IPO11: variants seen among roughly 807,000 people sequenced by gnomAD.
IPO11 encodes importin-11.
In IPO11, 66 loss-of-function variants were observed where a neutral mutation model predicts 143.2. The ratio of observed to expected loss-of-function variants is 0.46; its 90% confidence interval spans 0.38 to 0.57. IPO11 has a LOEUF of 0.57. Ranked by LOEUF, IPO11 falls within the 20% of genes least tolerant of loss-of-function variation. The pLI is 0.00. For synonymous variants in IPO11, 385 were observed against 377.8 expected (o/e 1.02, Z -0.22); for missense variants, 1,026 against 1,141.0 (o/e 0.90, Z 1.45).
At chr5:62,435,863 T>C (rs977414747) in intron 1 of IPO11, among the ~76,000 whole-genome samples, 1 of 151,870 alleles carries the variant, frequency 6.6e-6, no homozygotes, top group Non-Finnish European at 1.5e-5. Flanking sequence ...ACCCCGTCTC[T>C]ACTAAAAATA....
At position 62,483,304 on chromosome 5, in the gene IPO11, T is replaced by G; in HGVS notation, c.1021+11T>G. The G allele has an allele frequency of 6.8e-7, 1 of 1,462,796 alleles. No individual in the cohort carries two copies. Among genetic ancestry groups the G allele is most frequent in the African/African-American group, 1.4e-5 (1 of 70,560 alleles). The allele number at this position is 1,462,796 out of a possible 1,614,324, so 90.6% of individuals were successfully genotyped here. A position where few individuals can be genotyped will look rare whatever the true frequency, so the allele number is the denominator to read the frequency against. On this transcript the variant is annotated intron_variant, in intron 10 of 29. Transcript: ENST00000325324. Reference sequence around the variant, plus strand: ...CCAAAAATTTTGAAGGTAATTCCTTTATTGGCAGTTTAAAAGAATTATTTT... The same window carrying G: ...CCAAAAATTTTGAAGGTAATTCCTTGATTGGCAGTTTAAAAGAATTATTTT...
chr5:62,464,322 G>T (rs529176569), intron 5 of IPO11, among the ~76,000 whole-genome samples: 2 of 151,252 alleles, frequency 1.3e-5, no homozygotes, highest in South Asian at 4.2e-4. Flanking sequence ...TGTGTTTTTA[G>T]TAGAGACAGT....
chr5:62,433,146 G>GT lies in IPO11; in HGVS notation c.-6-4122dup, dbSNP rs367585219. On this transcript the variant is annotated intron_variant, in intron 1 of 29. Coordinates refer to ENST00000325324, the MANE Select transcript of IPO11 (RefSeq NM_016338.5). Reference sequence around the variant, plus strand: ...TTTACTCTAATTTTGGCACCTTTTTGTTTTTTGTTTTTTTTTTAAAGTCAA... The same window carrying GT: ...TTTACTCTAATTTTGGCACCTTTTTGTTTTTTTGTTTTTTTTTTAAAGTCAA... 9.0e-3 allele frequency among the ~76,000 whole-genome samples: 1,215 copies of GT among 135,446 alleles called. 12 individuals carry two copies. Among genetic ancestry groups the GT allele is most frequent in the East Asian group, 0.052 (237 of 4,534 alleles). 88.9% of individuals were successfully genotyped at this position (135,446 alleles called of 152,430 possible). A position where few individuals can be genotyped will look rare whatever the true frequency, so the allele number is the denominator to read the frequency against.
At chr5:62,608,917 C>T (rs1745830654) in intron 29 of IPO11, among the ~76,000 whole-genome samples, 1 of 152,312 alleles carries the variant, frequency 6.6e-6, no homozygotes, top group South Asian at 2.1e-4. Flanking sequence ...GCCTAGTCAT[C>T]CCTCCCTCCC....
chr5:62,517,282 C>T lies in IPO11; in HGVS notation c.1896+1781C>T, dbSNP rs1036267800. Reference sequence around the variant, plus strand: ...ATGATTACCTTATAAAGATTATGTCCGTTTTATAGAAGAGGATAAAGACTA... The same window carrying T: ...ATGATTACCTTATAAAGATTATGTCTGTTTTATAGAAGAGGATAAAGACTA... On this transcript the variant is annotated intron_variant, in intron 20 of 29. Transcript: ENST00000325324. 7.9e-5 allele frequency among the ~76,000 whole-genome samples: 12 copies of T among 152,052 alleles called. 1 individual carries two copies. Among genetic ancestry groups the T allele is most frequent in the South Asian group, 6.2e-4 (3 of 4,820 alleles).
chr5:62,436,323 G>A (rs1330548384), intron 1 of IPO11, among the ~76,000 whole-genome samples: 1 of 152,094 alleles, frequency 6.6e-6, no homozygotes, highest in Non-Finnish European at 1.5e-5. Flanking sequence ...ATAACTTTCA[G>A]ACTTTTACTG....
chr5:62,560,304 T>C (rs187535050), intron 26 of IPO11, among the ~76,000 whole-genome samples: 176 of 152,286 alleles, frequency 1.2e-3, no homozygotes, highest in Middle Eastern at 3.4e-3. Flanking sequence ...TACATAATTT[T>C]CGGGGCTGGT....
intron 29 of IPO11, among the ~76,000 whole-genome samples, chr5:62,623,002 T>C (rs1746429150): frequency 6.6e-6 from 1 of 152,228 alleles, no homozygotes; most frequent in Admixed American, 6.5e-5. Context: ...GTTGATTAAG[T>C]GGGTTCTGAT....
intron 26 of IPO11, among the ~76,000 whole-genome samples, chr5:62,559,546 G>A (rs999286402): frequency 6.6e-6 from 1 of 152,006 alleles, no homozygotes; most frequent in African/African-American, 2.4e-5. Context: ...TCTTCACCAG[G>A]AATAGATTCC....
At chr5:62,483,476 G>A (rs1407548296) in intron 10 of IPO11, 183 bp downstream of exon 10, 1 of 476,014 alleles carries the variant, frequency 2.1e-6, no homozygotes, top group African/African-American at 2.0e-5. Flanking sequence ...AAACAACATA[G>A]TGCATTTAAT....
chr5:62,444,914 A>T (rs1364540813), intron 3 of IPO11, among the ~76,000 whole-genome samples: 1 of 151,044 alleles, frequency 6.6e-6, no homozygotes. Flanking sequence ...ATATATAAAC[A>T]TACATATAAA....
chr5:62,480,180 C>T (rs1008724247), intron 9 of IPO11, among the ~76,000 whole-genome samples: 1 of 152,220 alleles, frequency 6.6e-6, no homozygotes, highest in Non-Finnish European at 1.5e-5. Context: ...TTCCCAGCAC[C>T]ATTTATTCAA....
At chr5:62,604,360 C>A (rs543784480) in intron 29 of IPO11, among the ~76,000 whole-genome samples, 97 of 152,166 alleles carry the variant, frequency 6.4e-4, no homozygotes, top group African/African-American at 2.2e-3. Context: ...AAGTGTGTGC[C>A]ACCATGTCTG....
chr5:62,545,395 T>C (rs892736305), intron 24 of IPO11, among the ~76,000 whole-genome samples: 1 of 152,184 alleles, frequency 6.6e-6, no homozygotes, highest in African/African-American at 2.4e-5. Flanking sequence ...TGGCTAGCCA[T>C]ATGTAGAAAG....
At chr5:62,474,030 G>A (rs1397640971) in intron 7 of IPO11, among the ~76,000 whole-genome samples, 2 of 152,168 alleles carry the variant, frequency 1.3e-5, no homozygotes, top group African/African-American at 4.8e-5. Context: ...CTCTCAAGGA[G>A]CTTATATTCT....
At chr5:62,620,889 A>ACGGATGGTGGGTGG (rs1336538938) in intron 29 of IPO11, among the ~76,000 whole-genome samples, 6 of 152,204 alleles carry the variant, frequency 3.9e-5, no homozygotes, top group African/African-American at 1.4e-4. Context: ...GTCCATTCAA[A>ACGGATGGTGGGTGG]CGGATGGTGG....
Position 62,412,806 on chromosome 5 carries a change from C to A in IPO11, c.-130C>A, listed in dbSNP as rs1289103382. The stretch of plus-strand genomic sequence containing the variant: ...GCCAAACATGGCGTGTTCCTAGAAG[C>A]CGCTTTCGGCATCAGTAGGCGGCGG... On this transcript the variant is annotated 5_prime_UTR_variant, in exon 1 of 30. Coordinates refer to ENST00000325324, the MANE Select transcript of IPO11 (RefSeq NM_016338.5). The A allele has an allele frequency of 2.0e-5, 3 of 152,732 alleles. No homozygotes were observed. The highest frequency in any genetic ancestry group is 2.9e-5 in the Non-Finnish European group (2 of 68,080). 9.5% of individuals were successfully genotyped at this position (152,732 alleles called of 1,614,324 possible).
intron 29 of IPO11, among the ~76,000 whole-genome samples, chr5:62,609,441 C>T (rs1191259223): frequency 3.3e-5 from 5 of 152,194 alleles, no homozygotes; most frequent in African/African-American, 1.2e-4. Flanking sequence ...TATAATAAGG[C>T]CAAATATATG....
At chr5:62,485,924 A>T (rs1225664453) in intron 12 of IPO11, among the ~76,000 whole-genome samples, 2 of 150,960 alleles carry the variant, frequency 1.3e-5, no homozygotes, top group African/African-American at 4.8e-5. Context: ...TAAGAAACTA[A>T]GAACTATATT....
Sources: allele counts gnomAD v4.1 joint callset (sites outside exome capture counted in the v4.1 genomes callset), GRCh38; gene constraint gnomAD v4.1.1; transcripts MANE v1.5; gene names NCBI Gene and HGNC (gene_info 2026-07-23, HGNC 2026-07-21).